The following ESRRG variants were observed in gnomAD, a reference collection of about 807,000 sequenced individuals.
ESRRG encodes the protein estrogen-related receptor gamma.
In ESRRG, 13 loss-of-function variants were observed where a neutral mutation model predicts 44.0. The observed-to-expected ratio is 0.30, with a 90% CI of 0.19 to 0.47. The LOEUF (loss-of-function observed/expected upper bound fraction) is 0.47, where lower values mean the gene tolerates loss of function less well. Among genes scored for constraint, ESRRG ranks in the 20% least tolerant of loss-of-function variants. The probability of loss-of-function intolerance (pLI) is 1.00; values close to 1 mark genes in which losing one functional copy is unlikely to be tolerated. For synonymous variants in ESRRG, 215 were observed against 214.6 expected, an observed-to-expected ratio of 1.00 and a Z score of -0.02; for missense variants, 395 against 580.6, an observed-to-expected ratio of 0.68 and a Z score of 3.29.
intron 1 of ESRRG, among the ~76,000 whole-genome samples, chr1:216,683,568 G>C (rs776336376): frequency 5.3e-5 from 8 of 152,138 alleles, no homozygotes; most frequent in African/African-American, 9.7e-5. Flanking sequence ...ATGTAATGTG[G>C]GGACATAGAG....
intron 2 of ESRRG, among the ~76,000 whole-genome samples, chr1:216,770,790 T>C (rs1424121846): frequency 2.0e-5 from 3 of 152,066 alleles, no homozygotes; most frequent in African/African-American, 7.2e-5. Flanking sequence ...TTTCAAAAGC[T>C]GATAGTAGAT....
At chr1:216,675,386 G>T (rs2075921697) in intron 2 of ESRRG, among the ~76,000 whole-genome samples, 1 of 152,030 alleles carries the variant, frequency 6.6e-6, no homozygotes, top group South Asian at 2.1e-4. Flanking sequence ...AGGGGGAGAA[G>T]GTGGGAGACT....
At chr1:216,544,864 T>C (rs2054002975) in intron 5 of ESRRG, among the ~76,000 whole-genome samples, 1 of 152,024 alleles carries the variant, frequency 6.6e-6, no homozygotes, top group Admixed American at 6.6e-5. Flanking sequence ...AAACTGACTT[T>C]AATAAAAATT....
At chr1:216,650,248 C>T (rs928416980) in intron 3 of ESRRG, among the ~76,000 whole-genome samples, 2 of 152,100 alleles carry the variant, frequency 1.3e-5, no homozygotes, top group Non-Finnish European at 2.9e-5. Flanking sequence ...AATCACAGGC[C>T]TCACGAAGTA....
chr1:216,907,260 A>C (rs1375043706), intron 2 of ESRRG, among the ~76,000 whole-genome samples: 2 of 152,182 alleles, frequency 1.3e-5, no homozygotes, highest in African/African-American at 4.8e-5. Context: ...GAGTGACAGG[A>C]GACAAAAAAC....
intron 5 of ESRRG, among the ~76,000 whole-genome samples, chr1:216,544,014 G>C (rs1353614063): frequency 6.6e-6 from 1 of 151,980 alleles, no homozygotes; most frequent in African/African-American, 2.4e-5. Context: ...TTCATACAGA[G>C]ATAACTGTGT....
chr1:216,982,578 C>T (rs1479510807), intron 1 of ESRRG, among the ~76,000 whole-genome samples: 2 of 151,922 alleles, frequency 1.3e-5, no homozygotes, highest in African/African-American at 4.8e-5. Context: ...TATAAAACAC[C>T]TTCAGGAGAA....
chr1:216,952,485 T>C (rs1250048163), intron 1 of ESRRG, among the ~76,000 whole-genome samples: 3 of 152,142 alleles, frequency 2.0e-5, no homozygotes, highest in Admixed American at 1.3e-4. Flanking sequence ...CATTCAGATA[T>C]GACAGAGCAC....
intron 2 of ESRRG, among the ~76,000 whole-genome samples, chr1:216,748,945 A>T (rs1476318667): frequency 6.6e-6 from 1 of 152,076 alleles, no homozygotes; most frequent in East Asian, 1.9e-4. Flanking sequence ...ATGGGGTGGC[A>T]ATCTTCAGTT....
At chr1:217,062,604 A>G (rs954966073) in intron 1 of ESRRG, among the ~76,000 whole-genome samples, 1 of 152,208 alleles carries the variant, frequency 6.6e-6, no homozygotes, top group African/African-American at 2.4e-5. Flanking sequence ...AACATCTGGC[A>G]GAGAAAAATC....
At chr1:217,089,019 G>A (rs1310562425) in intron 1 of ESRRG, among the ~76,000 whole-genome samples, 2 of 152,012 alleles carry the variant, frequency 1.3e-5, no homozygotes, top group Non-Finnish European at 2.9e-5. Context: ...GAGACACCTA[G>A]GACTACAGCA....
At chr1:216,863,058 G>C (rs896767622) in intron 2 of ESRRG, 1 of 152,158 alleles carries the variant, frequency 6.6e-6, no homozygotes, top group Non-Finnish European at 1.5e-5. Flanking sequence ...ATGAAAAAAA[G>C]TAGAGACCAG....
chr1:216,674,609 G>C (rs902610091), intron 2 of ESRRG, among the ~76,000 whole-genome samples: 1 of 134,298 alleles, frequency 7.4e-6, no homozygotes, highest in African/African-American at 2.7e-5. Context: ...TTGTGCTTTG[G>C]GTAAACTTTT....
chr1:216,580,990 A>G (rs569503007), intron 3 of ESRRG, among the ~76,000 whole-genome samples: 41 of 152,360 alleles, frequency 2.7e-4, no homozygotes, highest in African/African-American at 8.4e-4. Flanking sequence ...TTGCATTAGG[A>G]AAAGATCAAT....
At chr1:216,613,391 T>C (rs1045985470) in intron 3 of ESRRG, among the ~76,000 whole-genome samples, 1 of 152,194 alleles carries the variant, frequency 6.6e-6, no homozygotes, top group African/African-American at 2.4e-5. Context: ...AAACACAGAA[T>C]GTGTTTATTA....
intron 3 of ESRRG, among the ~76,000 whole-genome samples, chr1:216,628,141 T>C (rs1027956093): frequency 6.6e-6 from 1 of 152,152 alleles, no homozygotes; most frequent in Non-Finnish European, 1.5e-5. Context: ...TATCTTAGAG[T>C]CTAGAGCCAC....
intron 2 of ESRRG, among the ~76,000 whole-genome samples, chr1:216,909,067 A>G (rs1578001330): frequency 6.6e-6 from 1 of 152,076 alleles, no homozygotes; most frequent in African/African-American, 2.4e-5. Context: ...TTTCGAGTAC[A>G]TGGGTAGAAA....
chr1:216,982,114 C>T (rs1177295311), intron 1 of ESRRG, among the ~76,000 whole-genome samples: 3 of 152,048 alleles, frequency 2.0e-5, no homozygotes, highest in African/African-American at 7.2e-5. Context: ...TATTTTTTCC[C>T]TTTTTAAAGA....
At chr1:216,518,091 G>A (rs1217814813) in intron 6 of ESRRG, among the ~76,000 whole-genome samples, 3 of 152,096 alleles carry the variant, frequency 2.0e-5, no homozygotes, top group Admixed American at 6.6e-5. Context: ...CATCTCACTA[G>A]GACCGCGCCA....
Sources: allele counts gnomAD v4.1 joint callset (sites outside exome capture counted in the v4.1 genomes callset), GRCh38; gene constraint gnomAD v4.1.1; transcripts MANE v1.5; gene names NCBI Gene and HGNC (gene_info 2026-07-23, HGNC 2026-07-21).